AK2: variants seen among roughly 807,000 people sequenced by gnomAD.
AK2 encodes the protein adenylate kinase 2, mitochondrial.
A neutral mutation model predicts 24.6 loss-of-function variants in AK2; 15 were observed. That is an observed-to-expected ratio of 0.61 (90% CI 0.41 to 0.94). The LOEUF is 0.94. AK2 is among the 40% of genes least tolerant of loss of function. The pLI, the probability that AK2 is intolerant of heterozygous loss-of-function variation, is 0.00. For missense variants in AK2, 257 were observed against 304.1 expected (o/e 0.85, Z 1.15); for synonymous variants, 102 against 114.0 (o/e 0.90, Z 0.67).
intron 1 of AK2, among the ~76,000 whole-genome samples, chr1:33,027,136 C>A (rs1200670141): frequency 1.3e-5 from 2 of 152,104 alleles, no homozygotes; most frequent in South Asian, 2.1e-4. Flanking sequence ...ACCCAAAAAA[C>A]CAAAATTCTG....
intron 2 of AK2, 78 bp downstream of exon 2, chr1:33,024,364 G>A (rs987381398): frequency 1.2e-5 from 19 of 1,564,274 alleles, no homozygotes; most frequent in Non-Finnish European, 1.6e-5. Flanking sequence ...AGCCACCTGT[G>A]GCTGGTGGCT....
At chr1:33,027,193 C>G (rs1163379905) in intron 1 of AK2, among the ~76,000 whole-genome samples, 1 of 152,214 alleles carries the variant, frequency 6.6e-6, no homozygotes, top group Admixed American at 6.5e-5. Context: ...AATGAAAAAC[C>G]AGGCTGGCAC....
chr1:33,026,748 C>T (rs898906074), intron 1 of AK2, among the ~76,000 whole-genome samples: 5 of 151,890 alleles, frequency 3.3e-5, no homozygotes, highest in African/African-American at 1.2e-4. Context: ...TTGGAGGTTG[C>T]AGTGAGCTGA....
At position 33,035,838 on chromosome 1, in the gene AK2, G is replaced by A. The variant is rs1018047426; in HGVS notation, c.93+898C>T. Among the ~76,000 whole-genome samples, 5 of 151,850 alleles carry A rather than the reference G, an allele frequency of 3.3e-5. No homozygotes were observed. The East Asian group carries it at 9.7e-4, about 29-fold the overall frequency. ...TTGGGAAAGCCACCTGACCTTTCTG[G>A]GCCTGTTTTTTAACCTGTTGATTGA... On this transcript the variant is annotated intron_variant, in intron 1 of 5. Coordinates refer to ENST00000672715, the MANE Select transcript of AK2 (RefSeq NM_001625.4).
chr1:33,018,368 A>C (rs990115787), intron 4 of AK2, among the ~76,000 whole-genome samples: 6 of 152,136 alleles, frequency 3.9e-5, no homozygotes, highest in Admixed American at 2.0e-4. Context: ...GCATCTTCAA[A>C]CAGCCGACAT....
rs1239703185 is a variant in AK2, at chr1:33,009,875, A to G, written c.*3306T>C. 1 of 454,196 alleles carries G rather than the reference A, an allele frequency of 2.2e-6. No individual in the cohort carries two copies. The highest frequency in any genetic ancestry group is 4.4e-6 in the Non-Finnish European group (1 of 226,768). 28.1% of individuals were successfully genotyped at this position (454,196 alleles called of 1,614,324 possible). ...CCAGCCAGGTCCAGAATTCAATGTC[A>G]TTTTTCTAGCTTAGATTATCTAAAA... On this transcript the variant is annotated 3_prime_UTR_variant, in exon 6 of 6. Transcript: ENST00000672715.
intron 1 of AK2, among the ~76,000 whole-genome samples, chr1:33,025,954 A>T (rs1300811385): frequency 6.6e-6 from 1 of 152,258 alleles, no homozygotes; most frequent in African/African-American, 2.4e-5. Flanking sequence ...TAAAAGGCAT[A>T]GACTATGTAC....
Position 33,012,013 on chromosome 1 carries a change from A to C in AK2, c.*1168T>G. 6.5e-7 allele frequency: 1 copy of C among 1,535,282 alleles called. No homozygotes were observed. The highest frequency in any genetic ancestry group is 2.4e-5 in the East Asian group (1 of 40,906). On this transcript the variant is annotated 3_prime_UTR_variant, in exon 6 of 6. Transcript: ENST00000672715. ...AAATGAATCCAAGAATAGATCACAC[A>C]CTGTTTTGTTCACACTTGGAAACAC...
chr1:33,020,912 C>T (rs548174187), intron 4 of AK2, among the ~76,000 whole-genome samples: 3 of 151,418 alleles, frequency 2.0e-5, no homozygotes, highest in Non-Finnish European at 4.4e-5. Flanking sequence ...TTTGGGAGGC[C>T]GAGGCAGGCG....
In AK2 at chr1:33,012,189, T is replaced by C. The variant is rs1638863894; in HGVS notation, c.*992A>G. 6.5e-7 allele frequency: 1 copy of C among 1,535,326 alleles called. No homozygotes were observed. The highest frequency in any genetic ancestry group is 8.7e-7 in the Non-Finnish European group (1 of 1,146,722). ...ACCTGGTTTAATTCTCTGGCAACAATTCAGTTTTCAAACCCAATTCCCAAA... is the reference window on the plus strand; with the variant it reads ...ACCTGGTTTAATTCTCTGGCAACAACTCAGTTTTCAAACCCAATTCCCAAA... On this transcript the variant is annotated 3_prime_UTR_variant, in exon 6 of 6. Coordinates refer to ENST00000672715, the MANE Select transcript of AK2 (RefSeq NM_001625.4).
chr1:33,009,741 A>C lies in AK2; in HGVS notation c.*3440T>G, dbSNP rs1160134846. On this transcript the variant is annotated 3_prime_UTR_variant, in exon 6 of 6. Coordinates refer to ENST00000672715, the MANE Select transcript of AK2 (RefSeq NM_001625.4). ...CTGCCTTGTCTCTGGGCTCAAGAGAAGCCTGCATAGGAGCTGAAGGTCAAG... is the reference window on the plus strand; with the variant it reads ...CTGCCTTGTCTCTGGGCTCAAGAGACGCCTGCATAGGAGCTGAAGGTCAAG... 4.4e-6 allele frequency: 2 copies of C among 454,142 alleles called. No homozygotes were observed. Among genetic ancestry groups the C allele is most frequent in the African/African-American group, 4.0e-5 (2 of 50,014 alleles). The allele number at this position is 454,142 out of a possible 1,614,324, so 28.1% of individuals were successfully genotyped here. A position where few individuals can be genotyped will look rare whatever the true frequency, so the allele number is the denominator to read the frequency against.
rs759545237 is a variant in AK2 at position 33,013,251 on chromosome 1, T to C, written c.650A>G (p.Asp217Gly). The change falls in exon 6 of 6, where the codon GAT becomes GGT. Residue 217 changes from aspartate (D) to glycine (G), a missense_variant. Asp to Gly is a moderately conservative substitution (Grantham distance 94). Transcript: ENST00000672715. ...HSAIDASQTP[D>G]VVFASILAAF... is the part of the protein sequence containing the mutation. ...TGCTAGGATGCTTGCGAACACGACA[T>C]CGGGGGTCTGGGATGCATCGATGGC... 7.4e-6 allele frequency: 12 copies of C among 1,614,000 alleles called. No individual in the cohort carries two copies. The highest frequency in any genetic ancestry group is 9.3e-6 in the Non-Finnish European group (11 of 1,180,028).
Position 33,011,404 on chromosome 1 carries a change from TAGAGCCAGGAAAACAAGGCAGGAC to T in AK2, c.*1753_*1776del. On this transcript the variant is annotated 3_prime_UTR_variant, in exon 6 of 6. Coordinates refer to ENST00000672715, the MANE Select transcript of AK2 (RefSeq NM_001625.4). ...CCATTAAGAGTGGGTGGAGTTGGTT[TAGAGCCAGGAAAACAAGGCAGGAC>T]AGAGGCAGCAGACACTCACTTGGAC... is the stretch of plus-strand genomic sequence containing the variant. 7.8e-7 allele frequency: 1 copy of T among 1,287,352 alleles called. No individual in the cohort carries two copies. Among genetic ancestry groups the T allele is most frequent in the South Asian group, 1.2e-5 (1 of 80,938 alleles). The allele number at this position is 1,287,352 out of a possible 1,614,324, so 79.7% of individuals were successfully genotyped here. A position where few individuals can be genotyped will look rare whatever the true frequency, so the allele number is the denominator to read the frequency against.
intron 1 of AK2, among the ~76,000 whole-genome samples, chr1:33,027,577 G>A (rs1374821018): frequency 2.0e-5 from 3 of 151,802 alleles, no homozygotes; most frequent in African/African-American, 4.8e-5. Flanking sequence ...GTGAAACCCC[G>A]TCTCTACTAA....
At chr1:33,015,109 A>G (rs879895599) in intron 4 of AK2, among the ~76,000 whole-genome samples, 13 of 152,230 alleles carry the variant, frequency 8.5e-5, no homozygotes, top group Non-Finnish European at 1.6e-4. Flanking sequence ...AATGAACTCT[A>G]TTTTCTAACC....
At position 33,009,284 on chromosome 1, in the gene AK2, T is replaced by C; in HGVS notation, c.*3897A>G. The C allele has an allele frequency of 2.2e-6, 1 of 454,118 alleles. No homozygotes were observed. 28.1% of individuals were successfully genotyped at this position (454,118 alleles called of 1,614,324 possible). On this transcript the variant is annotated 3_prime_UTR_variant, in exon 6 of 6. Coordinates refer to ENST00000672715, the MANE Select transcript of AK2 (RefSeq NM_001625.4). ...CTTCCAAAAACATGAGAGCTTTAGTTTGGAGAAATTATTTAAGCTCACTTT... is the reference window on the plus strand; with the variant it reads ...CTTCCAAAAACATGAGAGCTTTAGTCTGGAGAAATTATTTAAGCTCACTTT...
At chr1:33,031,455 T>C in intron 1 of AK2, 1 of 379,378 alleles carries the variant, frequency 2.6e-6, no homozygotes, top group South Asian at 1.9e-5. Context: ...ATCTTTAGCT[T>C]GGGGGTCTGT....
Position 33,013,376 on chromosome 1 carries a change from T to A in AK2, c.525A>T (p.Arg175=). 6.2e-7 allele frequency: 1 copy of A among 1,614,152 alleles called. No homozygotes were observed. Among genetic ancestry groups the A allele is most frequent in the Non-Finnish European group, 8.5e-7 (1 of 1,180,020 alleles). Residue 175 remains arginine (R), a synonymous_variant, in exon 6 of 6, where the codon CGA becomes CGT. Coordinates refer to ENST00000672715, the MANE Select transcript of AK2 (RefSeq NM_001625.4). ...DDITGEPLIR[R]SDDNEKALKI... ...TCAAGGCCTTTTCATTATCATCTGA[T>A]CGACGGATCAAGGGTTCCCCGGTGA...
In AK2 at chr1:33,012,201, A is replaced by G. The variant is rs1247888633; in HGVS notation, c.*980T>C. The G allele has an allele frequency of 6.5e-7, 1 of 1,535,436 alleles. No homozygotes were observed. The highest frequency in any genetic ancestry group is 1.4e-5 in the African/African-American group (1 of 73,164). ...TCTCTGGCAACAATTCAGTTTTCAAACCCAATTCCCAAATAATTGCTATTT... is the reference window on the plus strand; with the variant it reads ...TCTCTGGCAACAATTCAGTTTTCAAGCCCAATTCCCAAATAATTGCTATTT... On this transcript the variant is annotated 3_prime_UTR_variant, in exon 6 of 6. Transcript: ENST00000672715.
Sources: gnomAD v4.1 joint callset for allele counts (sites outside exome capture counted in the v4.1 genomes callset) on GRCh38, gnomAD v4.1.1 for gene constraint, MANE v1.5 for transcripts, NCBI Gene and HGNC (gene_info 2026-07-23, HGNC 2026-07-21) for gene names.